Variants in RECK observed in about 807,000 individuals in gnomAD.
RECK encodes reversion-inducing cysteine-rich protein with Kazal motifs.
Under a neutral mutation model 115.1 loss-of-function variants are expected in RECK, and 69 were observed. The observed-to-expected ratio is 0.60, with a 90% CI of 0.49 to 0.73. The LOEUF (loss-of-function observed/expected upper bound fraction) is 0.73, where lower values mean the gene tolerates loss of function less well. Ranked by LOEUF, RECK falls within the 30% of genes least tolerant of loss-of-function variation. The probability of loss-of-function intolerance (pLI) is 0.00; values close to 1 mark genes in which losing one functional copy is unlikely to be tolerated. For missense variants in RECK, 1,047 were observed against 1,203.7 expected (o/e 0.87, Z 1.93); for synonymous variants, 414 against 419.7 (o/e 0.99, Z 0.17).
chr9:36,115,229 C>G (rs1454797664), intron 16 of RECK, among the ~76,000 whole-genome samples: 1 of 151,736 alleles, frequency 6.6e-6, no homozygotes, highest in African/African-American at 2.4e-5. Context: ...GCAGCAGACT[C>G]TCTTGAACCC....
rs1333156937 is a variant in RECK, at chr9:36,094,812, C to G, written c.1085+3469C>G. The stretch of plus-strand genomic sequence containing the variant: ...AAATACTTAAAAACAGAAGTAAACC[C>G]TAAAGAGAGAGAAATATTCAATCAT... On this transcript the variant is annotated intron_variant, in intron 10 of 20. Transcript: ENST00000377966. This position sits in a 1 kb window ranked among gnomAD's most constrained non-coding sequence, Gnocchi z 4.1. Among the ~76,000 whole-genome samples, 1 of 151,920 alleles carries G rather than the reference C, an allele frequency of 6.6e-6. No homozygotes were observed. Among genetic ancestry groups the G allele is most frequent in the African/African-American group, 2.4e-5 (1 of 41,340 alleles).
At chr9:36,089,960 C>T (rs1823098840) in intron 9 of RECK, among the ~76,000 whole-genome samples, 1 of 118,440 alleles carries the variant, frequency 8.4e-6, no homozygotes, top group South Asian at 3.1e-4. Flanking sequence ...CCCATCTCTA[C>T]TAAAAATACA....
At chr9:36,050,688 A>G (rs1406934899) in intron 1 of RECK, among the ~76,000 whole-genome samples, 1 of 152,176 alleles carries the variant, frequency 6.6e-6, no homozygotes, top group Non-Finnish European at 1.5e-5. Context: ...AGAGACCTGT[A>G]TGATCTGGTC....
intron 1 of RECK, among the ~76,000 whole-genome samples, chr9:36,051,274 C>T (rs1236457684): frequency 1.3e-5 from 2 of 152,176 alleles, no homozygotes; most frequent in South Asian, 2.1e-4. Flanking sequence ...TAGCTCTCTA[C>T]TGCTCTTTTC....
intron 10 of RECK, among the ~76,000 whole-genome samples, chr9:36,092,912 C>T (rs943594937): frequency 2.0e-5 from 3 of 152,018 alleles, no homozygotes; most frequent in African/African-American, 7.2e-5. Context: ...AAAGAAATGT[C>T]CCAAAATCCA....
intron 16 of RECK, among the ~76,000 whole-genome samples, chr9:36,113,244 T>C (rs1040116590): frequency 6.6e-6 from 1 of 152,200 alleles, no homozygotes; most frequent in Non-Finnish European, 1.5e-5. Flanking sequence ...CTGAATGACC[T>C]GAACAATACA....
intron 6 of RECK, among the ~76,000 whole-genome samples, chr9:36,068,453 G>T (rs1388238022): frequency 3.9e-5 from 6 of 152,188 alleles, no homozygotes. Flanking sequence ...CAATAGGGCA[G>T]GCTTGCTACC....
At chr9:36,121,740 A>G in intron 20 of RECK, 52 bp downstream of exon 20, 1 of 1,588,614 alleles carries the variant, frequency 6.3e-7, no homozygotes, top group Non-Finnish European at 8.6e-7. Flanking sequence ...AGTTTGGTGC[A>G]CCTAGGAGGG....
chr9:36,050,156 TC>T (rs1357554336), intron 1 of RECK, among the ~76,000 whole-genome samples: 2 of 152,180 alleles, frequency 1.3e-5, no homozygotes, highest in African/African-American at 4.8e-5. Context: ...TTTGGAGTCT[TC>T]CCGAACTCAT....
rs764367530 is a variant in RECK at position 36,036,989 on chromosome 9, C to A, written c.-10C>A. 1.7e-5 allele frequency: 24 copies of A among 1,419,506 alleles called. No homozygotes were observed. Among genetic ancestry groups the A allele is most frequent in the Middle Eastern group, 2.2e-4 (1 of 4,488 alleles). 87.9% of individuals were successfully genotyped at this position (1,419,506 alleles called of 1,614,324 possible). A position where few individuals can be genotyped will look rare whatever the true frequency, so the allele number is the denominator to read the frequency against. On this transcript the variant is annotated 5_prime_UTR_variant, in exon 1 of 21. Coordinates refer to ENST00000377966, the MANE Select transcript of RECK (RefSeq NM_021111.3). ...AGCATCCCGCGGCTCTGGAGCCGCC[C>A]GGCCCGGACATGGCGACCGTCCGGG...
rs774689373 is a variant in RECK, at chr9:36,058,862, T to C, written c.195T>C (p.His65=). ...CAAAAAGTGAATCCCGACTAAAACA[T>C]CTGTTGCAGCGAGCCCCAGATTATT... ...FSSKSESRLK[H]LLQRAPDYCP... Residue 65 remains histidine, a synonymous_variant, in exon 3 of 21, where the codon CAT becomes CAC. Coordinates refer to ENST00000377966, the MANE Select transcript of RECK (RefSeq NM_021111.3). The C allele has an allele frequency of 5.7e-6, 9 of 1,592,620 alleles. No individual in the cohort carries two copies. Among genetic ancestry groups the C allele is most frequent in the Middle Eastern group, 1.7e-4 (1 of 5,956 alleles).
chr9:36,066,752 C>T, intron 6 of RECK: 1 of 1,254,956 alleles, frequency 8.0e-7, no homozygotes, highest in South Asian at 1.3e-5. Flanking sequence ...ATGTCTGACA[C>T]TGTCCATCTT....
intron 2 of RECK, among the ~76,000 whole-genome samples, chr9:36,055,806 CTTTT>C (rs1335210086): frequency 6.6e-6 from 1 of 151,794 alleles, no homozygotes; most frequent in East Asian, 1.9e-4. Context: ...GGTTTTTTGC[CTTTT>C]TTGTTTGTTT....
At chr9:36,101,153 A>G (rs992784994) in intron 11 of RECK, among the ~76,000 whole-genome samples, 41 of 152,144 alleles carry the variant, frequency 2.7e-4, no homozygotes, top group African/African-American at 8.4e-4. Context: ...GGGTTTTACC[A>G]TGTTGGCCAG....
rs367769417 is a variant in RECK at position 36,091,146 on chromosome 9, T to C, written c.906-18T>C. 3 of 1,613,054 alleles carry C rather than the reference T, an allele frequency of 1.9e-6. No homozygotes were observed. The African/African-American group carries it at 4.0e-5, about 22-fold the overall frequency. On this transcript the variant is annotated intron_variant, in intron 9 of 20. Transcript: ENST00000377966. ...TGGTTGGCTCATGTCGGCTTCTGCA[T>C]TTGTGCTCTTGTTTCAGGGAACTCT...
chr9:36,106,028 A>T (rs531780586), intron 13 of RECK, among the ~76,000 whole-genome samples: 5 of 151,940 alleles, frequency 3.3e-5, no homozygotes, highest in African/African-American at 1.2e-4. Context: ...CCTGGCTAAC[A>T]TGGTGAAACC....
chr9:36,077,559 T>C (rs556315611), intron 6 of RECK, among the ~76,000 whole-genome samples: 3 of 152,268 alleles, frequency 2.0e-5, no homozygotes, highest in Admixed American at 6.5e-5. Flanking sequence ...GAACATTCTT[T>C]TGAACCTTAA....
chr9:36,084,159 G>T (rs1822846267), intron 8 of RECK, among the ~76,000 whole-genome samples: 1 of 152,144 alleles, frequency 6.6e-6, no homozygotes, highest in Admixed American at 6.5e-5. Context: ...ACTTTGAGAA[G>T]CCAAGACAGG....
At chr9:36,087,996 G>A in intron 9 of RECK, 35 bp downstream of exon 9, 6 of 1,523,336 alleles carry the variant, frequency 3.9e-6, no homozygotes, top group Non-Finnish European at 4.5e-6. Flanking sequence ...AAAATCAGTA[G>A]AAAATGGCAT....
Sources: gnomAD v4.1 joint callset for allele counts (sites outside exome capture counted in the v4.1 genomes callset) on GRCh38, gnomAD v4.1.1 for gene constraint, Gnocchi (gnomAD v3.1) non-coding constraint, MANE v1.5 for transcripts, NCBI Gene and HGNC (gene_info 2026-07-23, HGNC 2026-07-21) for gene names.